The following FAM53A variants were observed in gnomAD, a reference collection of about 807,000 sequenced individuals.
FAM53A encodes family with sequence similarity 53 member A, also known as protein FAM53A.
Under a neutral mutation model 26.6 loss-of-function variants are expected in FAM53A, and 28 were observed. The observed-to-expected ratio is 1.05, with a 90% CI of 0.78 to 1.45. The LOEUF (loss-of-function observed/expected upper bound fraction) is 1.45, where lower values mean the gene tolerates loss of function less well. FAM53A is among the 40% of genes most tolerant of loss of function. The pLI is 0.00. For synonymous variants in FAM53A, 290 were observed against 253.1 expected, an observed-to-expected ratio of 1.15 and a Z score of -1.38; for missense variants, 650 against 575.8, an observed-to-expected ratio of 1.13 and a Z score of -1.32.
Position 1,630,541 on chromosome 4 carries a change from C to T in FAM53A, c.432-12430G>A, listed in dbSNP as rs1560118284. The stretch of plus-strand genomic sequence containing the variant: ...CAAGAGCAGGGTCTACAAAAATACA[C>T]GCCCCGGGCCCCGTTCAGCCAGTCC... On this transcript the variant is annotated intron_variant, in intron 1 of 1. Transcript: ENST00000489029. The surrounding 1 kb of genome is among the most constrained non-coding windows in gnomAD (Gnocchi z 4.3). 1.3e-5 allele frequency among the ~76,000 whole-genome samples: 2 copies of T among 152,186 alleles called. No individual in the cohort carries two copies. The highest frequency in any genetic ancestry group is 2.9e-5 in the Non-Finnish European group (2 of 68,034).
intron 1 of FAM53A, among the ~76,000 whole-genome samples, chr4:1,679,154 G>T (rs1455071067): frequency 6.6e-6 from 1 of 152,046 alleles, no homozygotes; most frequent in Admixed American, 6.5e-5. Flanking sequence ...AATATAAAAA[G>T]ATATTTTAAA....
chr4:1,624,087 G>C (rs1715174540), intron 1 of FAM53A, among the ~76,000 whole-genome samples: 1 of 152,240 alleles, frequency 6.6e-6, no homozygotes, highest in African/African-American at 2.4e-5. Context: ...GTCGTCTGCA[G>C]GGACCACTGG....
Position 1,655,691 on chromosome 4 carries a change from G to T in FAM53A, c.169C>A (p.Pro57Thr). 1 of 1,591,464 alleles carries T rather than the reference G, an allele frequency of 6.3e-7. No homozygotes were observed. Among genetic ancestry groups the T allele is most frequent in the South Asian group, 1.1e-5 (1 of 89,414 alleles). ...GTGGCTGCCTGGCTTCTGACGGGCG[G>T]TCCTCCACTGAAGACCTTCCAGGGA... ...QSPWKVFSGG[P>T]PVRSQAATGP... The change falls in exon 4 of 5, where the codon CCG becomes ACG. Residue 57 changes from proline (P) to threonine (T), a missense_variant. By Grantham distance (38) the Pro-to-Thr change is conservative. Coordinates refer to ENST00000308132, the MANE Select transcript of FAM53A (RefSeq NM_001174070.3).
chr4:1,656,736 G>A lies in FAM53A; in HGVS notation c.136+672C>T, dbSNP rs569428246. ...CTTCCATCTACTCATGAAAGAATCT[G>A]GTAAAACACCTTCACTTTGGTCATC... On this transcript the variant is annotated intron_variant, in intron 3 of 4. Transcript: ENST00000308132. 2.0e-5 allele frequency among the ~76,000 whole-genome samples: 3 copies of A among 152,270 alleles called. No homozygotes were observed. In the South Asian group the frequency reaches 6.2e-4, roughly 32 times the overall value.
At chr4:1,654,483 C>A (rs868349419) in intron 4 of FAM53A, among the ~76,000 whole-genome samples, 2 of 152,398 alleles carry the variant, frequency 1.3e-5, no homozygotes, top group East Asian at 1.9e-4. Flanking sequence ...GGTGCCTGTA[C>A]AGTCCCAAAG....
intron 4 of FAM53A, among the ~76,000 whole-genome samples, chr4:1,642,375 C>T (rs1201629371): frequency 6.6e-6 from 1 of 152,178 alleles, no homozygotes; most frequent in Non-Finnish European, 1.5e-5. Context: ...TCCCTGAGTG[C>T]CAGGCTCCGG....
intron 1 of FAM53A, among the ~76,000 whole-genome samples, chr4:1,619,090 T>C (rs1331944903): frequency 6.6e-6 from 1 of 152,106 alleles, no homozygotes; most frequent in Non-Finnish European, 1.5e-5. Context: ...CGGCCTGGGC[T>C]CTCTTCCTCC....
the FAM53A span, among the ~76,000 whole-genome samples, chr4:1,582,566 C>A: frequency 1.3e-5 from 2 of 152,178 alleles, no homozygotes; most frequent in African/African-American, 2.4e-5. Flanking sequence ...CCTCAGAGAG[C>A]CACCCAGCCC....
intron 4 of FAM53A, among the ~76,000 whole-genome samples, chr4:1,642,687 G>T (rs1347398948): frequency 8.0e-6 from 1 of 125,588 alleles, no homozygotes; most frequent in African/African-American, 3.0e-5. Context: ...CCACCTCCCA[G>T]TCCTTGCCTC....
At chr4:1,622,542 G>A (rs1281129528) in intron 1 of FAM53A, among the ~76,000 whole-genome samples, 1 of 152,212 alleles carries the variant, frequency 6.6e-6, no homozygotes. Flanking sequence ...TGGCAGTACA[G>A]CCGGCCCTCT....
the FAM53A span, among the ~76,000 whole-genome samples, chr4:1,606,867 G>A: frequency 2.6e-5 from 4 of 152,208 alleles, no homozygotes; most frequent in Admixed American, 6.5e-5. Context: ...ACCCAGAGGC[G>A]GAATTTCAGG....
At chr4:1,664,809 C>A (rs1004781514) in intron 2 of FAM53A, among the ~76,000 whole-genome samples, 32 of 151,608 alleles carry the variant, frequency 2.1e-4, no homozygotes, top group African/African-American at 7.3e-4. Context: ...GAAACCCTGT[C>A]TCTACTAAAA....
chr4:1,613,522 C>T (rs1714702575), downstream of FAM53A, among the ~76,000 whole-genome samples: 4 of 152,198 alleles, frequency 2.6e-5, no homozygotes, highest in South Asian at 8.3e-4. Flanking sequence ...AACACTGCAA[C>T]CCTGATGCGA....
At chr4:1,682,269 T>TC (rs1715492954) in intron 1 of FAM53A, among the ~76,000 whole-genome samples, 1 of 149,920 alleles carries the variant, frequency 6.7e-6, no homozygotes, top group African/African-American at 2.4e-5. Context: ...ATTTCCTTTT[T>TC]TTTTTTTTTT....
chr4:1,619,612 C>T (rs531517996), intron 1 of FAM53A, among the ~76,000 whole-genome samples: 18 of 152,326 alleles, frequency 1.2e-4, no homozygotes, highest in Admixed American at 4.6e-4. Context: ...CTTCACCCCC[C>T]GGCCTCCCGT....
At chr4:1,610,666 G>T in the FAM53A span, among the ~76,000 whole-genome samples, 1 of 152,080 alleles carries the variant, frequency 6.6e-6, no homozygotes, top group African/African-American at 2.4e-5. Context: ...GCGGCCTGGG[G>T]TGGGGGACAG....
the FAM53A span, among the ~76,000 whole-genome samples, chr4:1,610,868 C>T: frequency 6.0e-4 from 91 of 152,326 alleles, no homozygotes; most frequent in Non-Finnish European, 1.1e-3. Flanking sequence ...ACCCGGGCCC[C>T]GGCTGCCCTC....
chr4:1,623,647 C>T (rs998263216), intron 1 of FAM53A, among the ~76,000 whole-genome samples: 14 of 152,236 alleles, frequency 9.2e-5, no homozygotes, highest in Non-Finnish European at 1.3e-4. Flanking sequence ...CTCCGGAACA[C>T]GGCGGCAGCT....
chr4:1,610,036 C>T, the FAM53A span, among the ~76,000 whole-genome samples: 1 of 152,044 alleles, frequency 6.6e-6, no homozygotes, highest in Non-Finnish European at 1.5e-5. Flanking sequence ...CTAATATGGC[C>T]TCCCTGGAAC....
Sources: gnomAD v4.1 joint callset for allele counts (sites outside exome capture counted in the v4.1 genomes callset) on GRCh38, gnomAD v4.1.1 for gene constraint, Gnocchi (gnomAD v3.1) non-coding constraint, MANE v1.5 for transcripts, NCBI Gene and HGNC (gene_info 2026-07-23, HGNC 2026-07-21) for gene names.